The following TMEM67 variants were observed in gnomAD, a reference collection of about 807,000 sequenced individuals.
The protein encoded by TMEM67 is meckelin.
A neutral mutation model predicts 136.6 loss-of-function variants in TMEM67; 124 were observed. That is an observed-to-expected ratio of 0.91 (90% CI 0.78 to 1.05). TMEM67 has a LOEUF of 1.05. Ranked by LOEUF, TMEM67 falls within the 50% of genes least tolerant of loss-of-function variation. The pLI, the probability that TMEM67 is intolerant of heterozygous loss-of-function variation, is 0.00. For synonymous variants in TMEM67, 364 were observed against 390.5 expected (o/e 0.93, Z 0.80); for missense variants, 1,107 against 1,178.4 (o/e 0.94, Z 0.89).
intron 12 of TMEM67, 69 bp downstream of exon 12, chr8:93,785,447 A>G: frequency 1.4e-6 from 2 of 1,458,124 alleles, no homozygotes; most frequent in Non-Finnish European, 1.9e-6. Context: ...CTACATGATA[A>G]TTTAATAAAC....
rs182500766 is a variant in TMEM67, at chr8:93,787,070, A to T, written c.1412+724A>T. ...TTCAGCATTTCTTCAGTCTGCTAATATGGTGTTCCTAGTAAAAATGAAAAT... is the reference window on the plus strand; with the variant it reads ...TTCAGCATTTCTTCAGTCTGCTAATTTGGTGTTCCTAGTAAAAATGAAAAT... On this transcript the variant is annotated intron_variant, in intron 13 of 27. Coordinates refer to ENST00000453321, the MANE Select transcript of TMEM67 (RefSeq NM_153704.6). Among the ~76,000 whole-genome samples, 187 of 152,282 alleles carry T rather than the reference A, an allele frequency of 1.2e-3. 1 individual carries two copies. The highest frequency in any genetic ancestry group is 3.8e-4 in the Non-Finnish European group (26 of 68,008).
chr8:93,786,368 T>C (rs201236292), intron 13 of TMEM67, 22 bp downstream of exon 13: 1 of 1,611,722 alleles, frequency 6.2e-7, no homozygotes, highest in Non-Finnish European at 8.5e-7. Context: ...TCTAATGATA[T>C]TATTTATGGG....
Position 93,803,660 on chromosome 8 carries a change from C to T in TMEM67, c.2298C>T (p.Phe766=), listed in dbSNP as rs372104198. Residue 766 remains phenylalanine (F), a synonymous_variant, in exon 22 of 28, where the codon TTC becomes TTT. Coordinates refer to ENST00000453321, the MANE Select transcript of TMEM67 (RefSeq NM_153704.6). ...ERFIEDKIRQ[F]VDLCSMSNIS... The stretch of plus-strand genomic sequence containing the variant: ...TTATAGAAGATAAAATTCGACAGTT[C>T]GTTGATTTATGCTCTATGAGTAATG... 5.2e-5 allele frequency: 83 copies of T among 1,596,376 alleles called. 1 individual carries two copies. The highest frequency in any genetic ancestry group is 1.7e-4 in the Middle Eastern group (1 of 5,916).
chr8:93,762,600 C>T (rs1812897528), intron 3 of TMEM67, among the ~76,000 whole-genome samples: 1 of 152,050 alleles, frequency 6.6e-6, no homozygotes, highest in African/African-American at 2.4e-5. Flanking sequence ...TTCATTGGCA[C>T]TGTTGCCTCC....
intron 3 of TMEM67, among the ~76,000 whole-genome samples, chr8:93,761,753 GTTTA>G (rs1203098453): frequency 6.6e-6 from 1 of 152,144 alleles, no homozygotes; most frequent in Non-Finnish European, 1.5e-5. Flanking sequence ...ATCTACAAAT[GTTTA>G]TTGAGTACCT....
rs146838062 is a variant in TMEM67 at position 93,754,943 on chromosome 8, C to T, written c.29C>T (p.Ala10Val). The T allele has an allele frequency of 1.2e-5, 20 of 1,613,948 alleles. No homozygotes were observed. The Middle Eastern group carries it at 1.3e-3, about 108-fold the overall frequency. Residue 10 changes from alanine (A) to valine (V), a missense_variant, in exon 1 of 28, where the codon GCA becomes GTA. Ala to Val is a moderately conservative substitution (Grantham distance 64). Around this residue, in one of 3 missense-constraint regions of TMEM67, gnomAD observed 178 missense variants for 159.2 expected, o/e 1.12. Transcript: ENST00000453321. ...GCGACGCGCGGTGGGGCTGGGGTGG[C>T]AATGGCGGTTTGGTCCCTCTTATCC... Reference protein sequence around the residue: MATRGGAGVAMAVWSLLSAR... With the variant: MATRGGAGVVMAVWSLLSAR...
intron 22 of TMEM67, among the ~76,000 whole-genome samples, chr8:93,804,481 A>AT (rs59657661): frequency 0.045 from 3,909 of 87,166 alleles, 214 homozygotes; most frequent in African/African-American, 0.099. Context: ...ACACTCAGCT[A>AT]TTTTTTTTTT....
chr8:93,788,015 T>C (rs1814193444), intron 14 of TMEM67, 66 bp downstream of exon 14: 1 of 1,288,258 alleles, frequency 7.8e-7, no homozygotes, highest in African/African-American at 1.5e-5. Flanking sequence ...TCAGTTTACA[T>C]TTTGGTCAAA....
chr8:93,768,947 A>T (rs79377470), intron 6 of TMEM67, among the ~76,000 whole-genome samples: 2,174 of 152,068 alleles, frequency 0.014, 58 homozygotes, highest in African/African-American at 0.05. Flanking sequence ...AGATTTTTTT[A>T]AAATTAAAAA....
chr8:93,815,232 G>T, intron 26 of TMEM67, 73 bp from the exon 27 acceptor site: 1 of 1,052,224 alleles, frequency 9.5e-7, no homozygotes. Context: ...TCCAGATTTT[G>T]TCACCAGAAG....
At chr8:93,824,426 A>G in the TMEM67 span, among the ~76,000 whole-genome samples, 12 of 152,364 alleles carry the variant, frequency 7.9e-5, no homozygotes, top group South Asian at 2.5e-3. Context: ...GTAAAAGGCT[A>G]GAAGATTTTG....
Position 93,793,299 on chromosome 8 carries a change from A to G in TMEM67, c.1674+3A>G, listed in dbSNP as rs863225224. On this transcript the variant is annotated splice_donor_region_variant and intron_variant, in intron 16 of 27. Transcript: ENST00000453321. ...GGAGTCCCATGATTGATTTACAGGT[A>G]TAATCTCAGGAGTTTTTTAAGAATA... The G allele has an allele frequency of 6.2e-7, 1 of 1,606,852 alleles. No individual in the cohort carries two copies. Among genetic ancestry groups the G allele is most frequent in the Non-Finnish European group, 8.5e-7 (1 of 1,173,382 alleles).
At chr8:93,791,371 T>C (rs572442376) in intron 15 of TMEM67, 52 bp downstream of exon 15, 1 of 1,282,358 alleles carries the variant, frequency 7.8e-7, no homozygotes, top group East Asian at 2.5e-5. Flanking sequence ...TATAATTAAA[T>C]GATTTCAGAT....
chr8:93,774,612 A>G (rs199995949), intron 7 of TMEM67, among the ~76,000 whole-genome samples: 3 of 152,124 alleles, frequency 2.0e-5, no homozygotes, highest in African/African-American at 7.2e-5. Context: ...CAGAGTGTTT[A>G]GTTTTCTGTC....
intron 26 of TMEM67, chr8:93,811,333 A>G (rs1808689678): frequency 1.2e-5 from 1 of 84,730 alleles, no homozygotes; most frequent in Non-Finnish European, 2.9e-5. Context: ...AGGCAAAGAC[A>G]TTCATGCAGA....
At chr8:93,824,152 T>G (rs1809078660), downstream of TMEM67, among the ~76,000 whole-genome samples, 1 of 152,248 alleles carries the variant, frequency 6.6e-6, no homozygotes, top group Non-Finnish European at 1.5e-5. Flanking sequence ...GATTTTAAAA[T>G]GAATAATAGA....
downstream of TMEM67, chr8:93,818,134 C>T (rs1038214266): frequency 5.9e-5 from 9 of 152,124 alleles, no homozygotes; most frequent in African/African-American, 2.2e-4. Context: ...CTGTCGACTC[C>T]TTTGTTCACA....
chr8:93,780,609 C>T lies in TMEM67; in HGVS notation c.731C>T (p.Thr244Ile), dbSNP rs1405448469. The stretch of plus-strand genomic sequence containing the variant: ...CTGTTGTAGGTATATGCCAATCTAA[C>T]ATCTTGTCAAGCTCTTGGAAATATG... ...AAACWVYANL[T>I]SCQALGNMCV... The change falls in exon 8 of 28, where the codon ACA (threonine) becomes ATA (isoleucine). Residue 244 changes from threonine (T) to isoleucine (I), a missense_variant. By Grantham distance (89) the Thr-to-Ile change is moderately conservative (BLOSUM62 -1). Transcript: ENST00000453321. 1 of 1,614,114 alleles carries T rather than the reference C, an allele frequency of 6.2e-7. No individual in the cohort carries two copies. Among genetic ancestry groups the T allele is most frequent in the Non-Finnish European group, 8.5e-7 (1 of 1,180,016 alleles).
chr8:93,800,692 C>G (rs1377357394), intron 21 of TMEM67, among the ~76,000 whole-genome samples: 1 of 152,136 alleles, frequency 6.6e-6, no homozygotes, highest in Non-Finnish European at 1.5e-5. Flanking sequence ...GGAACTCAGG[C>G]AGCCTGATTT....
Sources: allele counts gnomAD v4.1 joint callset (sites outside exome capture counted in the v4.1 genomes callset), GRCh38; gene constraint gnomAD v4.1.1; regional missense constraint gnomAD v4.1.1; transcripts MANE v1.5; gene names NCBI Gene and HGNC (gene_info 2026-07-23, HGNC 2026-07-21).